Variants in PSD3 observed in about 807,000 individuals in gnomAD.
PSD3 encodes the protein pleckstrin and Sec7 domain containing 3.
In PSD3, 49 loss-of-function variants were observed where a neutral mutation model predicts 105.5. The observed-to-expected ratio is 0.46, with a 90% CI of 0.37 to 0.59. PSD3 has a LOEUF of 0.59. PSD3 is among the 20% of genes least tolerant of loss of function. The pLI is 0.00. For missense variants in PSD3, 1,561 were observed against 1,263.8 expected (o/e 1.24, Z -3.57); for synonymous variants, 557 against 457.8 (o/e 1.22, Z -2.77).
At chr8:18,842,445 T>C (rs566118007) in intron 4 of PSD3, among the ~76,000 whole-genome samples, 68 of 152,372 alleles carry the variant, frequency 4.5e-4, no homozygotes, top group African/African-American at 1.6e-3. Flanking sequence ...CAAAATTGTA[T>C]GGCTTTGGCC....
At chr8:18,852,059 A>G (rs1373801868) in intron 4 of PSD3, among the ~76,000 whole-genome samples, 1 of 152,218 alleles carries the variant, frequency 6.6e-6, no homozygotes, top group Non-Finnish European at 1.5e-5. Flanking sequence ...AATTAAATGT[A>G]AGACCTTTAT....
intron 1 of PSD3, among the ~76,000 whole-genome samples, chr8:18,972,459 T>A (rs1824708704): frequency 6.6e-6 from 1 of 152,162 alleles, no homozygotes; most frequent in Admixed American, 6.5e-5. Flanking sequence ...CTGGGAACAT[T>A]TGAAGGAATC....
At chr8:18,899,912 A>G (rs761493549) in intron 2 of PSD3, among the ~76,000 whole-genome samples, 1 of 152,142 alleles carries the variant, frequency 6.6e-6, no homozygotes, top group Non-Finnish European at 1.5e-5. Flanking sequence ...CAGTTGGCCT[A>G]TCCCTTCCTG....
intron 9 of PSD3, among the ~76,000 whole-genome samples, chr8:18,695,046 T>A (rs1019341437): frequency 1.3e-5 from 2 of 152,192 alleles, no homozygotes; most frequent in Admixed American, 6.5e-5. Context: ...GCTGTGCAAT[T>A]CCCAAATTCT....
At chr8:19,077,342 A>G (rs1829491320) in intron 1 of PSD3, among the ~76,000 whole-genome samples, 2 of 152,222 alleles carry the variant, frequency 1.3e-5, no homozygotes, top group Non-Finnish European at 2.9e-5. Flanking sequence ...AAAATCACAC[A>G]TCCTGAAAAT....
chr8:18,923,080 C>G (rs1821139315), intron 2 of PSD3, among the ~76,000 whole-genome samples: 2 of 152,174 alleles, frequency 1.3e-5, no homozygotes, highest in Admixed American at 1.3e-4. Flanking sequence ...GACTGAAAGT[C>G]TCAACCCTCT....
intron 9 of PSD3, among the ~76,000 whole-genome samples, chr8:18,709,221 C>T (rs963674989): frequency 9.9e-5 from 15 of 152,264 alleles, no homozygotes; most frequent in African/African-American, 2.6e-4. Context: ...TGAAGCACAG[C>T]GACTGTGGCA....
rs143728879 is a variant in PSD3 at position 18,618,013 on chromosome 8, G to A, written c.2410+14600C>T. 6.1e-3 allele frequency among the ~76,000 whole-genome samples: 927 copies of A among 152,260 alleles called. 10 individuals are homozygous for A. Among genetic ancestry groups the A allele is most frequent in the African/African-American group, 0.021 (858 of 41,568 alleles). ...AGAGTCTAGTATCTTTTAAGGTCCA[G>A]TAAGAGACATTTGACATCTATTCCC... On this transcript the variant is annotated intron_variant, in intron 11 of 15. Coordinates refer to ENST00000327040, the MANE Select transcript of PSD3 (RefSeq NM_015310.4).
At chr8:18,906,387 A>C (rs1819851031) in intron 2 of PSD3, among the ~76,000 whole-genome samples, 1 of 152,224 alleles carries the variant, frequency 6.6e-6, no homozygotes. Flanking sequence ...TAAAATTCAT[A>C]CCCAAATTAG....
rs561810124 is a variant in PSD3 at position 18,533,631 on chromosome 8, A to G, written c.*2112T>C. ...GTGGGCAAACACATTCAAGCCACTC[A>G]GGGAAGTTCCTTTTTCTTTAGTTAC... On this transcript the variant is annotated 3_prime_UTR_variant, in exon 16 of 16. Coordinates refer to ENST00000327040, the MANE Select transcript of PSD3 (RefSeq NM_015310.4). 6.6e-6 allele frequency: 1 copy of G among 152,372 alleles called. No individual in the cohort carries two copies. The highest frequency in any genetic ancestry group is 1.9e-4 in the East Asian group (1 of 5,190). The allele number at this position is 152,372 out of a possible 1,614,324, so 9.4% of individuals were successfully genotyped here.
chr8:18,920,514 A>G (rs1484869111), intron 2 of PSD3, among the ~76,000 whole-genome samples: 2 of 152,190 alleles, frequency 1.3e-5, no homozygotes, highest in African/African-American at 2.4e-5. Flanking sequence ...TTGAAATAGT[A>G]AACAACTTTT....
At chr8:18,729,943 C>G (rs950847887) in intron 9 of PSD3, among the ~76,000 whole-genome samples, 2 of 152,124 alleles carry the variant, frequency 1.3e-5, no homozygotes, top group East Asian at 3.9e-4. Flanking sequence ...TCATTTATTT[C>G]CATTTTAATT....
chr8:18,789,703 A>G (rs1299490522), intron 8 of PSD3, among the ~76,000 whole-genome samples: 2 of 152,178 alleles, frequency 1.3e-5, no homozygotes, highest in African/African-American at 4.8e-5. Context: ...CTAACCAAAC[A>G]ATTTTTAACT....
At chr8:18,554,697 G>A (rs1182251794) in intron 15 of PSD3, among the ~76,000 whole-genome samples, 4 of 152,132 alleles carry the variant, frequency 2.6e-5, no homozygotes, top group Non-Finnish European at 1.5e-5. Context: ...ATAGTTTTGG[G>A]TAGGGGGAGG....
chr8:18,702,767 C>T (rs1476154146), intron 9 of PSD3, among the ~76,000 whole-genome samples: 1 of 152,036 alleles, frequency 6.6e-6, no homozygotes, highest in Non-Finnish European at 1.5e-5. Flanking sequence ...TGCCCGCCAT[C>T]ACGCCTGGCT....
chr8:19,050,123 A>G (rs187498090), intron 1 of PSD3, among the ~76,000 whole-genome samples: 36 of 152,338 alleles, frequency 2.4e-4, no homozygotes, highest in African/African-American at 8.7e-4. Flanking sequence ...CAAGGAGGCC[A>G]TGTCAGCTCT....
chr8:18,552,940 C>T (rs1401932385), intron 15 of PSD3, among the ~76,000 whole-genome samples: 1 of 152,030 alleles, frequency 6.6e-6, no homozygotes, highest in African/African-American at 2.4e-5. Flanking sequence ...TTTCCTTGCT[C>T]TCTGTAAATT....
intron 2 of PSD3, among the ~76,000 whole-genome samples, chr8:18,929,842 T>C (rs1821620778): frequency 1.3e-5 from 2 of 152,140 alleles, no homozygotes; most frequent in African/African-American, 2.4e-5. Context: ...TAATTGTTTA[T>C]TTAGAGAGAT....
rs534024431 is a variant in PSD3 at position 18,573,045 on chromosome 8, G to A, written c.2640-373C>T. ...TAATTTTAAAATCTAACTGAGGAAT[G>A]CATTGGTAGAGGGAAGGTAAAAGGA... On this transcript the variant is annotated intron_variant, in intron 13 of 15. Coordinates refer to ENST00000327040, the MANE Select transcript of PSD3 (RefSeq NM_015310.4). Among the ~76,000 whole-genome samples the A allele has an allele frequency of 5.3e-5, 8 of 152,294 alleles. No individual in the cohort carries two copies. In the South Asian group the frequency reaches 1.7e-3, roughly 32 times the overall value.
Sources: gnomAD v4.1 joint callset for allele counts (sites outside exome capture counted in the v4.1 genomes callset) on GRCh38, gnomAD v4.1.1 for gene constraint, MANE v1.5 for transcripts, NCBI Gene and HGNC (gene_info 2026-07-23, HGNC 2026-07-21) for gene names.